IQCM: variants seen among roughly 807,000 people sequenced by gnomAD.
The protein encoded by IQCM is IQ domain-containing protein M.
In IQCM, 45 loss-of-function variants were observed where a neutral mutation model predicts 57.6. The observed-to-expected ratio is 0.78, with a 90% CI of 0.62 to 1.00. The LOEUF (loss-of-function observed/expected upper bound fraction) is 1.00. IQCM is among the 50% of genes least tolerant of loss of function. The probability of loss-of-function intolerance (pLI) is 0.00; values close to 1 mark genes in which losing one functional copy is unlikely to be tolerated. For synonymous variants in IQCM, 148 were observed against 158.9 expected (o/e 0.93, Z 0.51); for missense variants, 468 against 511.6 (o/e 0.91, Z 0.82).
chr4:149,383,940 C>T (rs1044810819), intron 13 of IQCM, among the ~76,000 whole-genome samples: 15 of 151,942 alleles, frequency 9.9e-5, no homozygotes, highest in Middle Eastern at 3.4e-3. Flanking sequence ...GGAAGAAGAG[C>T]GAAACTCCAT....
chr4:149,418,170 T>G (rs976770110), intron 13 of IQCM, among the ~76,000 whole-genome samples: 11 of 39,088 alleles, frequency 2.8e-4, no homozygotes, highest in South Asian at 6.3e-4. Context: ...CAGGTTATGG[T>G]TTTTTTTTTA....
chr4:149,745,388 CT>C (rs1217523820), intron 2 of IQCM, among the ~76,000 whole-genome samples: 1 of 152,116 alleles, frequency 6.6e-6, no homozygotes, highest in Non-Finnish European at 1.5e-5. Flanking sequence ...TTGAACAAGG[CT>C]TGGTATTTGG....
intron 12 of IQCM, among the ~76,000 whole-genome samples, chr4:149,490,996 T>C (rs1316370519): frequency 6.6e-6 from 1 of 152,068 alleles, no homozygotes; most frequent in African/African-American, 2.4e-5. Context: ...CCTGGCCTCT[T>C]ATGCTCATAA....
chr4:149,463,438 G>T (rs1169168608), intron 12 of IQCM, among the ~76,000 whole-genome samples: 1 of 152,190 alleles, frequency 6.6e-6, no homozygotes, highest in East Asian at 1.9e-4. Flanking sequence ...TAAATGGGTA[G>T]TGTGTTTCTC....
chr4:149,488,661 G>A (rs1260368644), intron 12 of IQCM, among the ~76,000 whole-genome samples: 2 of 152,098 alleles, frequency 1.3e-5, no homozygotes, highest in African/African-American at 4.8e-5. Context: ...AAAATAGTCA[G>A]ATATGACCCA....
At chr4:149,604,717 TTAAAAGGAAG>T (rs1754622137) in intron 8 of IQCM, among the ~76,000 whole-genome samples, 1 of 152,222 alleles carries the variant, frequency 6.6e-6, no homozygotes, top group Non-Finnish European at 1.5e-5. Flanking sequence ...CCTAAGAACA[TTAAAAGGAAG>T]TCAAGTGAGA....
intron 5 of IQCM, among the ~76,000 whole-genome samples, chr4:149,693,439 G>C (rs923656433): frequency 6.6e-6 from 1 of 151,970 alleles, no homozygotes; most frequent in African/African-American, 2.4e-5. Flanking sequence ...CCATCCATAA[G>C]CCCGAAAGTC....
chr4:149,547,589 T>C (rs1188475414), intron 12 of IQCM, among the ~76,000 whole-genome samples: 1 of 152,196 alleles, frequency 6.6e-6, no homozygotes, highest in Non-Finnish European at 1.5e-5. Context: ...GCATGGTGAC[T>C]GTCGTTAATA....
chr4:149,448,032 A>T (rs890949709), intron 12 of IQCM, among the ~76,000 whole-genome samples: 1 of 151,628 alleles, frequency 6.6e-6, no homozygotes. Context: ...ACTTAACTAA[A>T]TTGACATTGA....
intron 12 of IQCM, among the ~76,000 whole-genome samples, chr4:149,515,043 C>G (rs1744799413): frequency 6.7e-6 from 1 of 149,342 alleles, no homozygotes; most frequent in African/African-American, 2.5e-5. Flanking sequence ...TGAGTTAATA[C>G]TGCTTAATAA....
chr4:149,378,793 C>A (rs1385505367), intron 13 of IQCM, among the ~76,000 whole-genome samples: 4 of 152,102 alleles, frequency 2.6e-5, no homozygotes, highest in Non-Finnish European at 5.9e-5. Context: ...TAACAAGGAG[C>A]CAAATGTTAA....
chr4:149,591,537 G>T (rs1753173032), intron 8 of IQCM, among the ~76,000 whole-genome samples: 2 of 151,670 alleles, frequency 1.3e-5, no homozygotes, highest in Non-Finnish European at 2.9e-5. Context: ...GTGCCATAAT[G>T]GTGTGCTGCA....
intron 13 of IQCM, among the ~76,000 whole-genome samples, chr4:149,431,200 C>T (rs1734827390): frequency 6.6e-6 from 1 of 151,778 alleles, no homozygotes; most frequent in Admixed American, 6.6e-5. Flanking sequence ...GTGAGATTCT[C>T]TTTCAAAAAG....
At chr4:149,650,029 A>G (rs1295762852) in intron 7 of IQCM, among the ~76,000 whole-genome samples, 1 of 152,200 alleles carries the variant, frequency 6.6e-6, no homozygotes, top group African/African-American at 2.4e-5. Context: ...CTAATCCAGT[A>G]TCTACCAAAA....
intron 5 of IQCM, among the ~76,000 whole-genome samples, chr4:149,699,035 A>G (rs1484677811): frequency 6.6e-6 from 1 of 152,130 alleles, no homozygotes; most frequent in East Asian, 1.9e-4. Flanking sequence ...TAATAACATG[A>G]TATTATGGTC....
intron 7 of IQCM, among the ~76,000 whole-genome samples, chr4:149,675,648 TG>T (rs1208876921): frequency 6.6e-6 from 1 of 152,022 alleles, no homozygotes; most frequent in Non-Finnish European, 1.5e-5. Flanking sequence ...GCAGGTACCC[TG>T]GAAGTCCTAG....
chr4:149,516,151 C>T (rs1744939245), intron 12 of IQCM, among the ~76,000 whole-genome samples: 1 of 152,198 alleles, frequency 6.6e-6, no homozygotes, highest in South Asian at 2.1e-4. Flanking sequence ...GAGACCAACA[C>T]TGAGTCCTCG....
intron 12 of IQCM, among the ~76,000 whole-genome samples, chr4:149,483,285 C>T (rs1410902864): frequency 6.6e-6 from 1 of 151,308 alleles, no homozygotes; most frequent in Non-Finnish European, 1.5e-5. Context: ...CTGCTCTGAC[C>T]ATCATTATTT....
Position 149,433,307 on chromosome 4 carries a change from C to T in IQCM, c.1390+89G>A, listed in dbSNP as rs571469810. 5.3e-4 allele frequency: 293 copies of T among 549,408 alleles called. 1 individual carries two copies. Among genetic ancestry groups the T allele is most frequent in the Non-Finnish European group, 7.1e-4 (260 of 367,488 alleles). 34.0% of individuals were successfully genotyped at this position (549,408 alleles called of 1,614,324 possible). A position where few individuals can be genotyped will look rare whatever the true frequency, so the allele number is the denominator to read the frequency against. ...TCTATAAGATCTATGTATCATCCCA[C>T]ATCATCTAAGTGATGAATACAGTTA... On this transcript the variant is annotated intron_variant, in intron 13 of 13. Coordinates refer to ENST00000636793, the MANE Select transcript of IQCM (RefSeq NM_001363507.2).
Sources: gnomAD v4.1 joint callset for allele counts (sites outside exome capture counted in the v4.1 genomes callset) on GRCh38, gnomAD v4.1.1 for gene constraint, MANE v1.5 for transcripts, NCBI Gene and HGNC (gene_info 2026-07-23, HGNC 2026-07-21) for gene names.